RPAP2: variants seen among roughly 807,000 people sequenced by gnomAD.
RPAP2 encodes putative RNA polymerase II subunit B1 CTD phosphatase RPAP2.
Under a neutral mutation model 73.1 loss-of-function variants are expected in RPAP2, and 52 were observed. The ratio of observed to expected loss-of-function variants is 0.71; its 90% CI spans 0.57 to 0.90. RPAP2 has a LOEUF of 0.90. Among genes scored for constraint, RPAP2 ranks in the 40% least tolerant of loss-of-function variants. RPAP2 has a pLI of 0.00. For missense variants in RPAP2, 598 were observed against 701.8 expected (o/e 0.85, Z 1.67); for synonymous variants, 225 against 242.1 (o/e 0.93, Z 0.65).
intron 11 of RPAP2, among the ~76,000 whole-genome samples, chr1:92,368,831 A>C (rs928297205): frequency 6.6e-6 from 1 of 152,220 alleles, no homozygotes; most frequent in Non-Finnish European, 1.5e-5. Context: ...TAAAGGTCTT[A>C]TCAATAAGAT....
At chr1:92,318,348 G>A (rs1652048193) in intron 6 of RPAP2, among the ~76,000 whole-genome samples, 1 of 152,178 alleles carries the variant, frequency 6.6e-6, no homozygotes, top group South Asian at 2.1e-4. Context: ...TGGAACTGAG[G>A]CTCAGAGTGG....
chr1:92,328,132 G>A (rs1038833086), intron 8 of RPAP2, among the ~76,000 whole-genome samples: 4 of 152,084 alleles, frequency 2.6e-5, no homozygotes, highest in Admixed American at 6.5e-5. Flanking sequence ...ACTATGTGCC[G>A]GGGCAATGAT....
At position 92,328,236 on chromosome 1, in the gene RPAP2, C is replaced by G. The variant is rs1054041459; in HGVS notation, c.1455+3861C>G. Among the ~76,000 whole-genome samples, 7 of 152,240 alleles carry G rather than the reference C, an allele frequency of 4.6e-5. No individual in the cohort carries two copies. The East Asian group carries it at 1.2e-3, about 25-fold the overall frequency. On this transcript the variant is annotated intron_variant, in intron 8 of 12. Coordinates refer to ENST00000610020, the MANE Select transcript of RPAP2 (RefSeq NM_024813.3). ...GCTGGAGAAGTTTTCCTTGATTATT[C>G]CCTCAAATATGTTTTCCAAACTTTT...
At chr1:92,330,383 T>G (rs982078394) in intron 8 of RPAP2, among the ~76,000 whole-genome samples, 2 of 152,074 alleles carry the variant, frequency 1.3e-5, no homozygotes, top group Non-Finnish European at 2.9e-5. Flanking sequence ...TCTTTAAATG[T>G]TTAGAAGATC....
Position 92,324,201 on chromosome 1 carries a change from G to C in RPAP2, c.1281G>C (p.Gln427His). Residue 427 changes from glutamine (Q) to histidine (H), a missense_variant, in exon 8 of 13, where the codon CAG (glutamine) becomes CAC (histidine). Around this residue, in one of 3 missense-constraint regions of RPAP2, gnomAD observed 506 missense variants for 612.8 expected, o/e 0.83. Transcript: ENST00000610020. ...DSHFPAWRES[Q>H]NSLDESLPFR... is the part of the protein sequence containing the mutation. ...ATTTCCCTGCCTGGAGGGAATCTCA[G>C]AACAGCTTGGATGAGTCTTTACCTT... The C allele has an allele frequency of 6.2e-7, 1 of 1,614,146 alleles. No homozygotes were observed. Among genetic ancestry groups the C allele is most frequent in the Non-Finnish European group, 8.5e-7 (1 of 1,180,008 alleles).
At chr1:92,318,805 A>G (rs994284614) in intron 6 of RPAP2, among the ~76,000 whole-genome samples, 3 of 152,212 alleles carry the variant, frequency 2.0e-5, no homozygotes, top group South Asian at 2.1e-4. Context: ...AAAAATATCT[A>G]TGAGCAGTCT....
intron 6 of RPAP2, among the ~76,000 whole-genome samples, chr1:92,317,077 CTT>C: frequency 6.6e-6 from 1 of 152,082 alleles, no homozygotes. Flanking sequence ...TTTTTTGGGT[CTT>C]TTTCTAACAC....
Position 92,373,733 on chromosome 1 carries a change from TAAAAATAAAAAA to T in RPAP2, c.1689-6985_1689-6974del, listed in dbSNP as rs1481754574. Among the ~76,000 whole-genome samples, 160 of 40,890 alleles carry T rather than the reference TAAAAATAAAAAA, an allele frequency of 3.9e-3. 6 individuals carry two copies. The highest frequency in any genetic ancestry group is 0.035 in the East Asian group (40 of 1,136). The allele number at this position is 40,890 out of a possible 152,430, so 26.8% of individuals were successfully genotyped here. A position where few individuals can be genotyped will look rare whatever the true frequency, so the allele number is the denominator to read the frequency against. ...CAACATGGTGAAACCCCGTCTCTACTAAAAATAAAAAAAAAAAAAAAAAAAAAAAAAAAAAAA... is the reference window on the plus strand; with the variant it reads ...CAACATGGTGAAACCCCGTCTCTACTAAAAAAAAAAAAAAAAAAAAAAAAA... On this transcript the variant is annotated intron_variant, in intron 11 of 12. Coordinates refer to ENST00000610020, the MANE Select transcript of RPAP2 (RefSeq NM_024813.3).
intron 11 of RPAP2, among the ~76,000 whole-genome samples, chr1:92,347,622 T>C (rs1653973517): frequency 2.6e-5 from 4 of 152,208 alleles, no homozygotes; most frequent in African/African-American, 9.6e-5. Flanking sequence ...TGAAAAAGTA[T>C]GGAAAATGAA....
At chr1:92,381,022 C>T in intron 12 of RPAP2, 149 bp downstream of exon 12, 1 of 591,776 alleles carries the variant, frequency 1.7e-6, no homozygotes, top group Non-Finnish European at 2.8e-6. Context: ...TCCCTTAGTT[C>T]TCAACTGCCT....
intron 12 of RPAP2, among the ~76,000 whole-genome samples, chr1:92,381,827 T>C (rs1284521255): frequency 6.6e-6 from 1 of 152,066 alleles, no homozygotes; most frequent in South Asian, 2.1e-4. Flanking sequence ...TGTGCAGGTT[T>C]GCTACATATG....
chr1:92,326,430 T>G (rs1393645735), intron 8 of RPAP2, among the ~76,000 whole-genome samples: 1 of 152,188 alleles, frequency 6.6e-6, no homozygotes, highest in African/African-American at 2.4e-5. Flanking sequence ...ATTTTTGTGC[T>G]GGTTAGCCTC....
chr1:92,309,461 T>C (rs955594735), intron 6 of RPAP2, among the ~76,000 whole-genome samples: 1 of 151,824 alleles, frequency 6.6e-6, no homozygotes, highest in Non-Finnish European at 1.5e-5. Context: ...AAATGGACTT[T>C]GTTTCTCTAA....
At chr1:92,384,386 G>T (rs1298950747) in intron 12 of RPAP2, among the ~76,000 whole-genome samples, 1 of 151,900 alleles carries the variant, frequency 6.6e-6, no homozygotes, top group Non-Finnish European at 1.5e-5. Context: ...CACTTTGGGA[G>T]GCTGAGGCAG....
chr1:92,346,086 G>A (rs991010560), intron 11 of RPAP2, among the ~76,000 whole-genome samples, 172 bp downstream of exon 11: 7 of 151,402 alleles, frequency 4.6e-5, no homozygotes, highest in African/African-American at 1.5e-4. Context: ...AAAGTGATAT[G>A]TAATTATTCT....
At chr1:92,319,289 C>T (rs1326569019) in intron 6 of RPAP2, among the ~76,000 whole-genome samples, 1 of 152,146 alleles carries the variant, frequency 6.6e-6, no homozygotes, top group East Asian at 1.9e-4. Flanking sequence ...TTATTATGAG[C>T]TTTACTGTCT....
At chr1:92,325,966 G>A (rs549386078) in intron 8 of RPAP2, among the ~76,000 whole-genome samples, 43 of 151,778 alleles carry the variant, frequency 2.8e-4, no homozygotes, top group African/African-American at 9.7e-4. Flanking sequence ...CCAATTTGGG[G>A]CTATTATGAA....
chr1:92,369,589 G>A (rs1557627894), intron 11 of RPAP2, among the ~76,000 whole-genome samples: 1 of 152,082 alleles, frequency 6.6e-6, no homozygotes, highest in Non-Finnish European at 1.5e-5. Flanking sequence ...GCAGGTATAA[G>A]TCACCACTCC....
At chr1:92,378,699 G>A (rs893066862) in intron 11 of RPAP2, among the ~76,000 whole-genome samples, 1 of 152,158 alleles carries the variant, frequency 6.6e-6, no homozygotes, top group Non-Finnish European at 1.5e-5. Context: ...AAAAGCTAGA[G>A]TTAGCTTCTC....
Sources: gnomAD v4.1 joint callset for allele counts (sites outside exome capture counted in the v4.1 genomes callset) on GRCh38, gnomAD v4.1.1 for gene constraint, gnomAD v4.1.1 regional missense constraint, MANE v1.5 for transcripts, NCBI Gene and HGNC (gene_info 2026-07-23, HGNC 2026-07-21) for gene names.